The following YME1L1 variants were observed in gnomAD, a reference collection of about 807,000 sequenced individuals.
YME1L1 encodes the protein ATP-dependent zinc metalloprotease YME1L1.
Under a neutral mutation model 90.4 loss-of-function variants are expected in YME1L1, and 39 were observed. The observed-to-expected ratio is 0.43, with a 90% CI of 0.33 to 0.56. The LOEUF (loss-of-function observed/expected upper bound fraction) is 0.56, where lower values mean the gene tolerates loss of function less well. Ranked by LOEUF, YME1L1 falls within the 20% of genes least tolerant of loss-of-function variation. The pLI, the probability that YME1L1 is intolerant of heterozygous loss-of-function variation, is 0.03. For synonymous variants in YME1L1, 284 were observed against 287.3 expected, an observed-to-expected ratio of 0.99 and a Z score of 0.12; for missense variants, 617 against 868.4, an observed-to-expected ratio of 0.71 and a Z score of 3.64.
At chr10:27,121,297 T>C (rs2056865102) in intron 12 of YME1L1, 89 bp downstream of exon 12, 12 of 892,328 alleles carry the variant, frequency 1.3e-5, no homozygotes, top group South Asian at 1.3e-4. Flanking sequence ...AATCATACAG[T>C]GTTGATGTGA....
At chr10:27,122,810 C>T (rs766282008) in intron 11 of YME1L1, 31 bp downstream of exon 11, 1 of 1,611,084 alleles carries the variant, frequency 6.2e-7, no homozygotes, top group Admixed American at 1.7e-5. Flanking sequence ...GAGGCATCAC[C>T]ATATTCTAAG....
intron 17 of YME1L1, among the ~76,000 whole-genome samples, chr10:27,115,040 A>C: frequency 6.7e-6 from 1 of 149,548 alleles, no homozygotes; most frequent in African/African-American, 2.5e-5. Context: ...AAAAAATAAA[A>C]ATAAAAACTG....
intron 4 of YME1L1, among the ~76,000 whole-genome samples, chr10:27,141,979 T>C (rs1003016817): frequency 1.3e-5 from 2 of 152,228 alleles, no homozygotes; most frequent in African/African-American, 4.8e-5. Flanking sequence ...GTCAATTTGA[T>C]GTCACTTATT....
In YME1L1 at chr10:27,115,828, T is replaced by C. The variant is rs141209617; in HGVS notation, c.1920+232A>G. On this transcript the variant is annotated intron_variant, in intron 17 of 18. Transcript: ENST00000376016. ...AAGCTAAGGAATTCACCTTGCTTTATCACTTAATTAACTCGTGAAGTAATA... is the reference window on the plus strand; with the variant it reads ...AAGCTAAGGAATTCACCTTGCTTTACCACTTAATTAACTCGTGAAGTAATA... Among the ~76,000 whole-genome samples the C allele has an allele frequency of 1.4e-4, 22 of 152,344 alleles. 1 individual carries two copies. The East Asian group carries it at 4.2e-3, about 29-fold the overall frequency.
intron 8 of YME1L1, among the ~76,000 whole-genome samples, chr10:27,127,065 C>T (rs1450524851): frequency 1.3e-5 from 2 of 152,250 alleles, no homozygotes; most frequent in African/African-American, 4.8e-5. Context: ...GTACATTGGA[C>T]AGGGTTAAAA....
At chr10:27,124,286 CACAT>C (rs2056895778) in intron 9 of YME1L1, among the ~76,000 whole-genome samples, 2 of 152,076 alleles carry the variant, frequency 1.3e-5, no homozygotes, top group Admixed American at 1.3e-4. Flanking sequence ...GAAAAATACA[CACAT>C]AACACAGAAA....
intron 15 of YME1L1, among the ~76,000 whole-genome samples, chr10:27,116,917 A>G (rs1488506527): frequency 1.3e-5 from 2 of 152,134 alleles, no homozygotes; most frequent in Non-Finnish European, 2.9e-5. Flanking sequence ...ATATAGTTAC[A>G]TTAAAAACCA....
In YME1L1 at chr10:27,131,953, A is replaced by T; in HGVS notation, c.776-12T>A. 1 of 1,598,774 alleles carries T rather than the reference A, an allele frequency of 6.3e-7. No homozygotes were observed. Among genetic ancestry groups the T allele is most frequent in the Admixed American group, 1.8e-5 (1 of 56,500 alleles). On this transcript the variant is annotated splice_polypyrimidine_tract_variant and intron_variant, in intron 7 of 18. Coordinates refer to ENST00000376016, the MANE Select transcript of YME1L1 (RefSeq NM_014263.4). The stretch of plus-strand genomic sequence containing the variant: ...TGTCCGGAAGCGGACTAAAGGGAAG[A>T]AAAGAAATGTTTATATTTGATAGAT...
intron 15 of YME1L1, among the ~76,000 whole-genome samples, chr10:27,117,140 G>C (rs1303485240): frequency 6.6e-6 from 1 of 152,176 alleles, no homozygotes; most frequent in Non-Finnish European, 1.5e-5. Context: ...CAGGTGCATA[G>C]AAATTTTTTA....
chr10:27,145,552 T>C lies in YME1L1; in HGVS notation c.207A>G (p.Leu69=). The change falls in exon 3 of 19, where the codon CTA becomes CTG. Residue 69 remains leucine, a synonymous_variant. Coordinates refer to ENST00000376016, the MANE Select transcript of YME1L1 (RefSeq NM_014263.4). ...LNLRDLGLSE[L]KIGQIDQLVE... ...CCAGCTGATCAATCTGTCCAATTTTTAGTTCAGATAATCCAAGGTCCCTTA... is the reference window on the plus strand; with the variant it reads ...CCAGCTGATCAATCTGTCCAATTTTCAGTTCAGATAATCCAAGGTCCCTTA... The C allele has an allele frequency of 6.2e-7, 1 of 1,613,586 alleles. No individual in the cohort carries two copies. Among genetic ancestry groups the C allele is most frequent in the Non-Finnish European group, 8.5e-7 (1 of 1,179,690 alleles).
intron 2 of YME1L1, 63 bp downstream of exon 2, chr10:27,148,843 A>G: frequency 6.3e-7 from 1 of 1,585,848 alleles, no homozygotes; most frequent in Admixed American, 1.9e-5. Flanking sequence ...TTAATCCTTC[A>G]TTTGTTTAAG....
Position 27,154,174 on chromosome 10 carries a change from T to A in YME1L1, c.33+4A>T. 1 of 1,589,868 alleles carries A rather than the reference T, an allele frequency of 6.3e-7. No individual in the cohort carries two copies. Among genetic ancestry groups the A allele is most frequent in the Non-Finnish European group, 8.6e-7 (1 of 1,167,254 alleles). On this transcript the variant is annotated splice_donor_region_variant and intron_variant, in intron 1 of 18. Transcript: ENST00000376016. ...AAAAAAAATGGGCTGAATGCCTGGC[T>A]TACCTGGGGTTGCACCGTGCTCGAC...
chr10:27,152,634 A>G (rs979725912), intron 1 of YME1L1, among the ~76,000 whole-genome samples: 2 of 152,194 alleles, frequency 1.3e-5, no homozygotes, highest in African/African-American at 4.8e-5. Context: ...TCTTTTTCAA[A>G]CAATTACTAG....
intron 2 of YME1L1, chr10:27,146,469 A>G (rs947909580): frequency 2.0e-5 from 3 of 152,252 alleles, no homozygotes; most frequent in Non-Finnish European, 4.4e-5. Context: ...GCAAGTAACA[A>G]TTACATGTTA....
At chr10:27,125,458 G>GGAAAAAA (rs534522674) in intron 9 of YME1L1, among the ~76,000 whole-genome samples, 6 of 107,694 alleles carry the variant, frequency 5.6e-5, no homozygotes, top group African/African-American at 7.1e-5. Flanking sequence ...TGTTTCATTT[G>GGAAAAAA]AAAAAAAAAA....
chr10:27,115,784 T>C (rs2056806887), intron 17 of YME1L1, among the ~76,000 whole-genome samples: 1 of 152,182 alleles, frequency 6.6e-6, no homozygotes, highest in Non-Finnish European at 1.5e-5. Flanking sequence ...GAAAGTAGAC[T>C]CTTTCATGCC....
chr10:27,141,897 C>T (rs1037028444), intron 4 of YME1L1, among the ~76,000 whole-genome samples: 1 of 152,190 alleles, frequency 6.6e-6, no homozygotes, highest in Admixed American at 6.5e-5. Flanking sequence ...ACAGTGATCA[C>T]TATCACCTGA....
rs2056981107 is a variant in YME1L1 at position 27,131,920 on chromosome 10, C to G, written c.797G>C (p.Gly266Ala). The change falls in exon 8 of 19, where the codon GGG becomes GCG. Residue 266 changes from glycine (G) to alanine (A), a missense_variant. Gly to Ala is a moderately conservative substitution (Grantham distance 60, BLOSUM62 0). Transcript: ENST00000376016. ...GACAGGATCTACTGCAGAATCAAGC[C>G]CTGTTGTTGTCCGGAAGCGGACTAA... ...FLSVRFRTTTGLDSAVDPVQM... is the reference protein window; with the variant it reads ...FLSVRFRTTTALDSAVDPVQM... 4 of 1,612,752 alleles carry G rather than the reference C, an allele frequency of 2.5e-6. No individual in the cohort carries two copies. Among genetic ancestry groups the G allele is most frequent in the Non-Finnish European group, 3.4e-6 (4 of 1,179,608 alleles).
intron 18 of YME1L1, among the ~76,000 whole-genome samples, chr10:27,113,471 G>T (rs2056780512): frequency 6.6e-6 from 1 of 151,396 alleles, no homozygotes; most frequent in African/African-American, 2.4e-5. Context: ...AAGAGTTTGA[G>T]ATCAGCCTGG....
Sources: gnomAD v4.1 joint callset for allele counts (sites outside exome capture counted in the v4.1 genomes callset) on GRCh38, gnomAD v4.1.1 for gene constraint, MANE v1.5 for transcripts, NCBI Gene and HGNC (gene_info 2026-07-23, HGNC 2026-07-21) for gene names.